The following CSMD1 variants were observed in gnomAD, a reference collection of about 807,000 sequenced individuals.
CSMD1 encodes the protein CUB and Sushi multiple domains 1.
In CSMD1, 213 loss-of-function variants were observed where a neutral mutation model predicts 417.5. The observed-to-expected ratio is 0.51, with a 90% CI of 0.46 to 0.57. CSMD1 has a LOEUF of 0.57. CSMD1 is among the 20% of genes least tolerant of loss of function. The pLI is 0.00. For synonymous variants in CSMD1, 2,862 were observed against 1,736.8 expected (o/e 1.65, Z -16.11); for missense variants, 6,923 against 4,529.7 (o/e 1.53, Z -15.17).
chr8:3,202,672 T>C (rs1008459204), intron 31 of CSMD1, among the ~76,000 whole-genome samples: 3 of 152,220 alleles, frequency 2.0e-5, no homozygotes, highest in Non-Finnish European at 2.9e-5. Context: ...GTGTGTGCAC[T>C]AGTTGTGTGT....
rs1429990884 is a variant in CSMD1, at chr8:3,162,238, C to T, written c.5765G>A (p.Ser1922Asn). The change falls in exon 38 of 70, where the codon AGC becomes AAC. Residue 1922 changes from serine (S) to asparagine (N), a missense_variant. By Grantham distance (46) the Ser-to-Asn change is conservative (BLOSUM62 1). Transcript: ENST00000635120. ...LAACQEPALPSNSIKIGDRYM... is the reference protein window; with the variant it reads ...LAACQEPALPNNSIKIGDRYM... ...CCGATCTCCGATTTTGATGCTGTTGCTGGGGAGGGCTGGTTCTTGGCATGC... is the reference window on the plus strand; with the variant it reads ...CCGATCTCCGATTTTGATGCTGTTGTTGGGGAGGGCTGGTTCTTGGCATGC... The T allele has an allele frequency of 6.2e-7, 1 of 1,610,770 alleles. No homozygotes were observed. The highest frequency in any genetic ancestry group is 1.1e-5 in the South Asian group (1 of 89,942).
At chr8:4,728,429 A>G (rs920200436) in intron 1 of CSMD1, among the ~76,000 whole-genome samples, 3 of 152,030 alleles carry the variant, frequency 2.0e-5, no homozygotes, top group African/African-American at 7.2e-5. Flanking sequence ...TGAGGGTAAG[A>G]AGCATTTCAG....
chr8:4,620,304 A>G (rs971467268), intron 2 of CSMD1, among the ~76,000 whole-genome samples: 1 of 151,630 alleles, frequency 6.6e-6, no homozygotes, highest in African/African-American at 2.4e-5. Flanking sequence ...ACATGTGTAT[A>G]CATATGTATT....
chr8:4,157,975 G>A (rs901895942), intron 3 of CSMD1, among the ~76,000 whole-genome samples: 1 of 152,124 alleles, frequency 6.6e-6, no homozygotes, highest in East Asian at 1.9e-4. Flanking sequence ...GCCGAGATTG[G>A]CCAACTGTTG....
chr8:3,678,113 A>G (rs1441829225), intron 7 of CSMD1, among the ~76,000 whole-genome samples: 1 of 152,132 alleles, frequency 6.6e-6, no homozygotes, highest in Non-Finnish European at 1.5e-5. Context: ...TGAGCGACGC[A>G]GAAGACAGGT....
chr8:3,054,051 G>A (rs1414474016), intron 49 of CSMD1, among the ~76,000 whole-genome samples: 1 of 152,132 alleles, frequency 6.6e-6, no homozygotes, highest in Non-Finnish European at 1.5e-5. Context: ...GTGACACAAT[G>A]ACTTAGTAAC....
intron 1 of CSMD1, among the ~76,000 whole-genome samples, chr8:4,889,634 G>C (rs1324160622): frequency 6.6e-6 from 1 of 152,072 alleles, no homozygotes; most frequent in Admixed American, 6.5e-5. Flanking sequence ...GTTACTGGTA[G>C]CCATAAGAGA....
intron 26 of CSMD1, 30 bp from the exon 27 acceptor site, chr8:3,230,261 G>C: frequency 6.6e-7 from 1 of 1,515,724 alleles, no homozygotes; most frequent in Non-Finnish European, 8.9e-7. Context: ...CAAGGTCACA[G>C]GCTGGAAAAC....
At chr8:4,085,922 G>C (rs1190887810) in intron 3 of CSMD1, among the ~76,000 whole-genome samples, 2 of 152,100 alleles carry the variant, frequency 1.3e-5, no homozygotes, top group African/African-American at 2.4e-5. Context: ...CGTAAGGATG[G>C]AAGGGGGCTC....
chr8:4,761,840 T>C (rs1673242), intron 1 of CSMD1, among the ~76,000 whole-genome samples: 29,449 of 83,498 alleles, frequency 0.35, 3,522 homozygotes, highest in African/African-American at 0.4. Flanking sequence ...ACCATGCATC[T>C]ATCTATCTAT....
At chr8:4,771,757 T>C (rs1317112281) in intron 1 of CSMD1, among the ~76,000 whole-genome samples, 1 of 152,164 alleles carries the variant, frequency 6.6e-6, no homozygotes, top group Non-Finnish European at 1.5e-5. Flanking sequence ...ATGGCTGTCA[T>C]TTCACAGCGC....
chr8:3,314,878 A>T (rs12156277), intron 23 of CSMD1, among the ~76,000 whole-genome samples: 1 of 151,966 alleles, frequency 6.6e-6, no homozygotes, highest in African/African-American at 2.4e-5. Flanking sequence ...TCCATTTTAT[A>T]CATTAGGCTG....
At chr8:3,264,755 G>A (rs979538394) in intron 26 of CSMD1, among the ~76,000 whole-genome samples, 1 of 152,016 alleles carries the variant, frequency 6.6e-6, no homozygotes, top group South Asian at 2.1e-4. Flanking sequence ...CATGATTAAG[G>A]GTACATAGCT....
intron 5 of CSMD1, among the ~76,000 whole-genome samples, chr8:3,964,597 T>C (rs778270879): frequency 8.5e-5 from 13 of 152,178 alleles, no homozygotes; most frequent in Non-Finnish European, 1.3e-4. Context: ...TCCACTTAAA[T>C]CCCAATTGTA....
At chr8:3,442,836 T>G (rs1815077595) in intron 12 of CSMD1, among the ~76,000 whole-genome samples, 1 of 151,854 alleles carries the variant, frequency 6.6e-6, no homozygotes, top group Non-Finnish European at 1.5e-5. Flanking sequence ...ATAGATTTTT[T>G]TTTTGTTATG....
At chr8:4,002,641 C>G (rs967512831) in intron 4 of CSMD1, among the ~76,000 whole-genome samples, 9 of 152,170 alleles carry the variant, frequency 5.9e-5, no homozygotes, top group African/African-American at 2.2e-4. Flanking sequence ...CCACATATCG[C>G]TAAAGGATAA....
At chr8:3,311,677 A>G (rs7826499) in intron 23 of CSMD1, among the ~76,000 whole-genome samples, 18,504 of 152,234 alleles carry the variant, frequency 0.12, 1,179 homozygotes, top group Non-Finnish European at 0.14. Flanking sequence ...AACGTGTATT[A>G]CTTTTACATC....
chr8:4,464,721 C>T (rs1034781114), intron 2 of CSMD1, among the ~76,000 whole-genome samples: 2 of 152,090 alleles, frequency 1.3e-5, no homozygotes, highest in Non-Finnish European at 2.9e-5. Flanking sequence ...AATGTATCTA[C>T]ACTGATTGGA....
intron 15 of CSMD1, among the ~76,000 whole-genome samples, chr8:3,405,185 TTTTC>T (rs1563353586): frequency 6.6e-6 from 1 of 152,216 alleles, no homozygotes; most frequent in Non-Finnish European, 1.5e-5. Flanking sequence ...GATATTTTAC[TTTTC>T]TTCTTAAATT....
Sources: gnomAD v4.1 joint callset for allele counts (sites outside exome capture counted in the v4.1 genomes callset) on GRCh38, gnomAD v4.1.1 for gene constraint, MANE v1.5 for transcripts, NCBI Gene and HGNC (gene_info 2026-07-23, HGNC 2026-07-21) for gene names.